The following GLG1 variants were observed in gnomAD, a reference collection of about 807,000 sequenced individuals.
GLG1 encodes the protein golgi glycoprotein 1, also known as Golgi apparatus protein 1.
Under a neutral mutation model 160.5 loss-of-function variants are expected in GLG1, and 38 were observed. The ratio of observed to expected loss-of-function variants is 0.24; its 90% confidence interval spans 0.18 to 0.31. The LOEUF (loss-of-function observed/expected upper bound fraction) is 0.31, where lower values mean the gene tolerates loss of function less well. Among genes scored for constraint, GLG1 ranks in the 10% least tolerant of loss-of-function variants. GLG1 has a pLI of 1.00. For synonymous variants in GLG1, 644 were observed against 543.4 expected (o/e 1.19, Z -2.57); for missense variants, 1,373 against 1,505.2 (o/e 0.91, Z 1.45).
At chr16:74,526,937 C>T (rs1352197424) in intron 2 of GLG1, among the ~76,000 whole-genome samples, 2 of 152,264 alleles carry the variant, frequency 1.3e-5, no homozygotes, top group East Asian at 3.9e-4. Flanking sequence ...TTGCTTAGAA[C>T]AATAATGTCT....
rs186807312 is a variant in GLG1, at chr16:74,547,803, G to C, written c.439-15650C>G. ...TCTGTGACAAATTTCCACTTCCATA[G>C]AGGGATCATTTCCACTGTCTCTGAT... On this transcript the variant is annotated intron_variant, in intron 1 of 25. Transcript: ENST00000422840. Among the ~76,000 whole-genome samples the C allele has an allele frequency of 2.0e-4, 30 of 152,332 alleles. No individual in the cohort carries two copies. In the East Asian group the frequency reaches 5.6e-3, roughly 28 times the overall value.
chr16:74,597,045 G>GGAGGCAGTGCTGCA (rs1463059261), intron 1 of GLG1, among the ~76,000 whole-genome samples: 1 of 151,986 alleles, frequency 6.6e-6, no homozygotes, highest in African/African-American at 2.4e-5. Flanking sequence ...CTCGTGCTCG[G>GGAGGCAGTGCTGCA]GAGGCAGAGG....
intron 2 of GLG1, among the ~76,000 whole-genome samples, chr16:74,523,449 T>C (rs1187779258): frequency 1.3e-5 from 2 of 152,180 alleles, no homozygotes; most frequent in Non-Finnish European, 2.9e-5. Flanking sequence ...TGTTTCCACA[T>C]AAATTTTAAA....
chr16:74,489,959 C>T (rs778452031), intron 8 of GLG1, among the ~76,000 whole-genome samples: 1 of 152,122 alleles, frequency 6.6e-6, no homozygotes, highest in African/African-American at 2.4e-5. Context: ...AAATAAAATT[C>T]GAGTTGATAT....
intron 8 of GLG1, among the ~76,000 whole-genome samples, chr16:74,488,776 C>G (rs2015878882): frequency 6.6e-6 from 1 of 151,972 alleles, no homozygotes; most frequent in Non-Finnish European, 1.5e-5. Context: ...CATGCCACCA[C>G]GCCCGGCTAA....
intron 2 of GLG1, among the ~76,000 whole-genome samples, chr16:74,531,784 G>A (rs1442689018): frequency 1.1e-4 from 17 of 152,284 alleles, no homozygotes; most frequent in Middle Eastern, 3.4e-3. Context: ...CTACTATAGC[G>A]TTTGGCAAAA....
intron 1 of GLG1, among the ~76,000 whole-genome samples, chr16:74,567,662 G>A (rs994700183): frequency 2.7e-5 from 4 of 147,914 alleles, no homozygotes; most frequent in South Asian, 2.2e-4. Flanking sequence ...TCCGCTTCCC[G>A]GGTTCACGCC....
intron 18 of GLG1, among the ~76,000 whole-genome samples, chr16:74,467,332 T>C (rs1263623173): frequency 6.6e-6 from 1 of 152,180 alleles, no homozygotes; most frequent in East Asian, 1.9e-4. Flanking sequence ...AGGGTCCTGC[T>C]TCTGTCTATT....
intron 9 of GLG1, among the ~76,000 whole-genome samples, chr16:74,484,592 C>A (rs1037665475): frequency 6.6e-6 from 1 of 151,958 alleles, no homozygotes; most frequent in African/African-American, 2.4e-5. Context: ...AAAACCCTGT[C>A]TCTACTAAAA....
At chr16:74,606,606 C>A (rs1399074030) in intron 1 of GLG1, 51 bp downstream of exon 1, 11 of 1,474,836 alleles carry the variant, frequency 7.5e-6, no homozygotes, top group Non-Finnish European at 2.7e-6. Context: ...CCGGCAACAC[C>A]CTCGGGCCCG....
At chr16:74,470,119 T>G in intron 15 of GLG1, 46 bp from the exon 16 acceptor site, 1 of 1,125,626 alleles carries the variant, frequency 8.9e-7, no homozygotes, top group South Asian at 1.2e-5. Flanking sequence ...TGGCAACTTG[T>G]GGTCAGTAGT....
intron 17 of GLG1, chr16:74,468,742 C>T (rs2015092254): frequency 1.8e-6 from 1 of 568,322 alleles, no homozygotes; most frequent in Admixed American, 3.0e-5. Flanking sequence ...CTTCCAGTTA[C>T]ATGTGGGAAG....
chr16:74,535,852 T>C (rs2017673036), intron 1 of GLG1, among the ~76,000 whole-genome samples: 1 of 152,176 alleles, frequency 6.6e-6, no homozygotes, highest in South Asian at 2.1e-4. Context: ...CTATGAAGAA[T>C]TGTTAAGCAT....
chr16:74,471,089 G>A (rs1247114804), intron 15 of GLG1, 84 bp downstream of exon 15: 2 of 807,908 alleles, frequency 2.5e-6, no homozygotes, highest in Non-Finnish European at 4.4e-6. Context: ...AACATCAGAG[G>A]TGCTCTGATG....
chr16:74,519,906 G>C (rs2017105144), intron 2 of GLG1, among the ~76,000 whole-genome samples: 1 of 152,114 alleles, frequency 6.6e-6, no homozygotes, highest in South Asian at 2.1e-4. Context: ...TCCCCATACA[G>C]TTAAATCATC....
intron 9 of GLG1, among the ~76,000 whole-genome samples, chr16:74,485,111 T>C (rs2015745294): frequency 6.6e-6 from 1 of 152,214 alleles, no homozygotes; most frequent in African/African-American, 2.4e-5. Flanking sequence ...CTTGCTATAT[T>C]GCCCAGGCTG....
chr16:74,479,921 T>A (rs1449343579), intron 11 of GLG1, among the ~76,000 whole-genome samples: 1 of 152,148 alleles, frequency 6.6e-6, no homozygotes, highest in Admixed American at 6.6e-5. Flanking sequence ...AAGCTTCTAA[T>A]GGATCCTTAA....
In GLG1 at chr16:74,452,540, C is replaced by T. The variant is rs562221567; in HGVS notation, c.*627G>A. ...GCTGATTAGGGTGGAAACTGGAAAGCGTCACTGTCTCAGCAGAAGAAAGCA... is the reference window on the plus strand; with the variant it reads ...GCTGATTAGGGTGGAAACTGGAAAGTGTCACTGTCTCAGCAGAAGAAAGCA... On this transcript the variant is annotated 3_prime_UTR_variant, in exon 26 of 26. Coordinates refer to ENST00000422840, the MANE Select transcript of GLG1 (RefSeq NM_001145667.2). The T allele has an allele frequency of 6.6e-5, 67 of 1,012,236 alleles. No individual in the cohort carries two copies. Among genetic ancestry groups the T allele is most frequent in the Non-Finnish European group, 7.5e-5 (63 of 845,246 alleles). The allele number at this position is 1,012,236 out of a possible 1,614,324, so 62.7% of individuals were successfully genotyped here. A position where few individuals can be genotyped will look rare whatever the true frequency, so the allele number is the denominator to read the frequency against.
chr16:74,459,386 G>A (rs1471540661), intron 23 of GLG1, among the ~76,000 whole-genome samples: 1 of 152,186 alleles, frequency 6.6e-6, no homozygotes, highest in African/African-American at 2.4e-5. Flanking sequence ...GCTGAGGCAG[G>A]AGAATGGCGT....
Sources: allele counts gnomAD v4.1 joint callset (sites outside exome capture counted in the v4.1 genomes callset), GRCh38; gene constraint gnomAD v4.1.1; transcripts MANE v1.5; gene names NCBI Gene and HGNC (gene_info 2026-07-23, HGNC 2026-07-21).